Variants in ST3GAL5 observed in about 807,000 individuals in gnomAD.
The protein encoded by ST3GAL5 is lactosylceramide alpha-2,3-sialyltransferase.
A neutral mutation model predicts 46.1 loss-of-function variants in ST3GAL5; 25 were observed. That is an observed-to-expected ratio of 0.54 (90% CI 0.40 to 0.76). The LOEUF (loss-of-function observed/expected upper bound fraction) is 0.76. Among genes scored for constraint, ST3GAL5 ranks in the 30% least tolerant of loss-of-function variants. The pLI is 0.00. For missense variants in ST3GAL5, 431 were observed against 521.2 expected (o/e 0.83, Z 1.69); for synonymous variants, 182 against 192.7 (o/e 0.94, Z 0.46).
intron 1 of ST3GAL5, among the ~76,000 whole-genome samples, chr2:85,874,327 C>A (rs1164908756): frequency 6.6e-6 from 1 of 152,152 alleles, no homozygotes; most frequent in Admixed American, 6.5e-5. Flanking sequence ...GTTCCCAGCA[C>A]GCACGATGGG....
chr2:85,851,707 C>T, intron 3 of ST3GAL5: 3 of 1,289,402 alleles, frequency 2.3e-6, no homozygotes, highest in Non-Finnish European at 3.0e-6. Context: ...TCAGGAGCTG[C>T]AATGAAGAGA....
At chr2:85,852,775 C>G in intron 3 of ST3GAL5, 1 of 800,328 alleles carries the variant, frequency 1.2e-6, no homozygotes, top group Non-Finnish European at 1.8e-6. Context: ...GATCTGGAGG[C>G]TGGACTCAGT....
chr2:85,840,034 A>C lies in ST3GAL5; in HGVS notation c.*110T>G, dbSNP rs937893332. The C allele has an allele frequency of 3.9e-6, 6 of 1,523,550 alleles. No homozygotes were observed. The African/African-American group carries it at 8.3e-5, about 21-fold the overall frequency. The allele number at this position is 1,523,550 out of a possible 1,614,324, so 94.4% of individuals were successfully genotyped here. On this transcript the variant is annotated 3_prime_UTR_variant, in exon 7 of 7. Transcript: ENST00000638572. Reference sequence around the variant, plus strand: ...TTTGTGTTTTTAAATTAAAAGTTAAAAACATGAGCTGCACTTCAAAGTATC... The same window carrying C: ...TTTGTGTTTTTAAATTAAAAGTTAACAACATGAGCTGCACTTCAAAGTATC...
At chr2:85,881,600 G>T (rs1687157907) in intron 1 of ST3GAL5, among the ~76,000 whole-genome samples, 1 of 152,210 alleles carries the variant, frequency 6.6e-6, no homozygotes, top group African/African-American at 2.4e-5. Flanking sequence ...GAGACTGGCA[G>T]CATTTTGCCC....
At chr2:85,864,594 A>G (rs74969769) in intron 1 of ST3GAL5, among the ~76,000 whole-genome samples, 85 of 148,738 alleles carry the variant, frequency 5.7e-4, no homozygotes, top group African/African-American at 9.3e-4. Context: ...AAAAAAAAAA[A>G]AGAAAAAGAG....
intron 3 of ST3GAL5, chr2:85,850,799 CGCCAGGCT>C (rs1219800540): frequency 6.6e-6 from 1 of 152,136 alleles, no homozygotes; most frequent in Non-Finnish European, 1.5e-5. Flanking sequence ...GCTGGATGCT[CGCCAGGCT>C]GCCAGGTCTC....
At chr2:85,850,968 G>T in intron 3 of ST3GAL5, 1 of 150,106 alleles carries the variant, frequency 6.7e-6, no homozygotes, top group Non-Finnish European at 1.5e-5. Flanking sequence ...CCAGGCTGGA[G>T]TGCAGTGGCG....
intron 1 of ST3GAL5, among the ~76,000 whole-genome samples, chr2:85,866,871 G>A (rs1355655351): frequency 1.3e-5 from 2 of 152,204 alleles, no homozygotes; most frequent in African/African-American, 4.8e-5. Context: ...GGAATGAAAT[G>A]TGCATTACAT....
chr2:85,839,992 G>T lies in ST3GAL5; in HGVS notation c.*152C>A. ...CAAATAAATAGGAAAAAAAAAGTGG[G>T]AAGAGCTAAAATTTTTTTTGTGTTT... On this transcript the variant is annotated 3_prime_UTR_variant, in exon 7 of 7. Coordinates refer to ENST00000638572, the MANE Select transcript of ST3GAL5 (RefSeq NM_003896.4). 8.6e-7 allele frequency: 1 copy of T among 1,160,464 alleles called. No individual in the cohort carries two copies. The highest frequency in any genetic ancestry group is 1.2e-6 in the Non-Finnish European group (1 of 826,242). The allele number at this position is 1,160,464 out of a possible 1,614,324, so 71.9% of individuals were successfully genotyped here.
chr2:85,844,645 C>T, intron 5 of ST3GAL5, 91 bp from the exon 6 acceptor site: 1 of 1,557,042 alleles, frequency 6.4e-7, no homozygotes, highest in Non-Finnish European at 8.8e-7. Flanking sequence ...TGGGTGTGAC[C>T]CCATGTGGCC....
intron 2 of ST3GAL5, among the ~76,000 whole-genome samples, chr2:85,862,168 T>C (rs1684801346): frequency 6.6e-6 from 1 of 152,148 alleles, no homozygotes; most frequent in Non-Finnish European, 1.5e-5. Flanking sequence ...AATTCTCATT[T>C]AAAACAGGCT....
chr2:85,846,784 A>G, intron 4 of ST3GAL5: 1 of 544,042 alleles, frequency 1.8e-6, no homozygotes, highest in Non-Finnish European at 3.3e-6. Flanking sequence ...CCTGAATGTC[A>G]AGCAATTTCA....
Position 85,861,364 on chromosome 2 carries a change from C to T in ST3GAL5, c.207-72G>A, listed in dbSNP as rs541514809. 1.5e-5 allele frequency: 15 copies of T among 1,012,122 alleles called. 2 individuals are homozygous for T. Among genetic ancestry groups the T allele is most frequent in the East Asian group, 9.5e-5 (4 of 42,018 alleles). The allele number at this position is 1,012,122 out of a possible 1,614,324, so 62.7% of individuals were successfully genotyped here. ...ATGAGATGCAATGTGAAACTGAAAACGGAATCCTAAATGAGTCTGCCTGCT... is the reference window on the plus strand; with the variant it reads ...ATGAGATGCAATGTGAAACTGAAAATGGAATCCTAAATGAGTCTGCCTGCT... On this transcript the variant is annotated intron_variant, in intron 2 of 6. Transcript: ENST00000638572.
chr2:85,850,074 C>T (rs775582006), intron 3 of ST3GAL5: 1 of 152,048 alleles, frequency 6.6e-6, no homozygotes, highest in Non-Finnish European at 1.5e-5. Flanking sequence ...TTTAGGAATG[C>T]ATCTATCCTA....
chr2:85,849,332 G>A (rs1417833708), intron 3 of ST3GAL5: 1 of 152,544 alleles, frequency 6.6e-6, no homozygotes, highest in Non-Finnish European at 1.5e-5. Flanking sequence ...ACACTGTAGT[G>A]AGCTGTGATT....
intron 1 of ST3GAL5, among the ~76,000 whole-genome samples, chr2:85,871,439 A>C (rs1685914247): frequency 6.6e-6 from 1 of 152,248 alleles, no homozygotes; most frequent in African/African-American, 2.4e-5. Flanking sequence ...GCTTTCAGTC[A>C]ATTTGTAAGA....
At chr2:85,857,320 C>T (rs1443326543) in intron 3 of ST3GAL5, among the ~76,000 whole-genome samples, 2 of 151,612 alleles carry the variant, frequency 1.3e-5, no homozygotes, top group South Asian at 2.1e-4. Flanking sequence ...GTGGATCACC[C>T]GAGGTCAGGG....
chr2:85,866,722 GT>G (rs1043384230), intron 1 of ST3GAL5, among the ~76,000 whole-genome samples: 1 of 152,158 alleles, frequency 6.6e-6, no homozygotes, highest in African/African-American at 2.4e-5. Flanking sequence ...CCCTATCTCT[GT>G]TTACCACAAT....
chr2:85,861,388 C>T, intron 2 of ST3GAL5, 96 bp from the exon 3 acceptor site: 2 of 805,924 alleles, frequency 2.5e-6, no homozygotes, highest in Non-Finnish European at 2.2e-6. Context: ...AGTCTGCCTG[C>T]TATGCAGCAT....
Sources: allele counts gnomAD v4.1 joint callset (sites outside exome capture counted in the v4.1 genomes callset), GRCh38; gene constraint gnomAD v4.1.1; transcripts MANE v1.5; gene names NCBI Gene and HGNC (gene_info 2026-07-23, HGNC 2026-07-21).